The following FUT8 variants were observed in gnomAD, a reference collection of about 807,000 sequenced individuals.
FUT8 encodes alpha-(1,6)-fucosyltransferase.
Under a neutral mutation model 71.3 loss-of-function variants are expected in FUT8, and 29 were observed. The observed-to-expected ratio is 0.41, with a 90% confidence interval of 0.30 to 0.55. The LOEUF (loss-of-function observed/expected upper bound fraction) is 0.55. Among genes scored for constraint, FUT8 ranks in the 20% least tolerant of loss-of-function variants. FUT8 has a pLI of 0.34. For synonymous variants in FUT8, 254 were observed against 239.3 expected (o/e 1.06, Z -0.57); for missense variants, 544 against 702.1 (o/e 0.77, Z 2.55).
chr14:65,671,257 GC>G (rs1238743575), intron 7 of FUT8, among the ~76,000 whole-genome samples: 1 of 152,116 alleles, frequency 6.6e-6, no homozygotes, highest in African/African-American at 2.4e-5. Flanking sequence ...ATATAGTTTA[GC>G]CCTGCCCGTG....
At chr14:65,412,129 T>TGG (rs34007703), upstream of FUT8, 340 of 455,928 alleles carry the variant, frequency 7.5e-4, no homozygotes, top group African/African-American at 4.5e-3. Context: ...CAGGCCCTCG[T>TGG]GGGGGGGGTC....
chr14:65,581,876 A>G (rs1165369702), intron 3 of FUT8, among the ~76,000 whole-genome samples: 3 of 152,176 alleles, frequency 2.0e-5, no homozygotes, highest in African/African-American at 7.2e-5. Flanking sequence ...GTTTTCTAAG[A>G]GGACTTTTGC....
At chr14:65,465,283 A>G (rs2066026122) in intron 2 of FUT8, among the ~76,000 whole-genome samples, 1 of 152,162 alleles carries the variant, frequency 6.6e-6, no homozygotes, top group Non-Finnish European at 1.5e-5. Flanking sequence ...TATACATTCA[A>G]TGCTAAAAAT....
intron 7 of FUT8, among the ~76,000 whole-genome samples, chr14:65,677,353 G>T (rs542348204): frequency 6.6e-6 from 1 of 151,912 alleles, no homozygotes; most frequent in Non-Finnish European, 1.5e-5. Context: ...AATATTCTTA[G>T]CAGTTATTGA....
At chr14:65,670,480 G>A (rs1458223236) in intron 7 of FUT8, among the ~76,000 whole-genome samples, 1 of 152,002 alleles carries the variant, frequency 6.6e-6, no homozygotes, top group Non-Finnish European at 1.5e-5. Context: ...TGTATAATGA[G>A]TGCCTACAGT....
At chr14:65,707,382 T>C (rs1894603861) in intron 7 of FUT8, among the ~76,000 whole-genome samples, 1 of 152,222 alleles carries the variant, frequency 6.6e-6, no homozygotes, top group African/African-American at 2.4e-5. Context: ...TTTGAGTTGC[T>C]TATTATTATA....
intron 3 of FUT8, among the ~76,000 whole-genome samples, chr14:65,580,948 C>T (rs1185014786): frequency 3.3e-5 from 5 of 152,050 alleles, no homozygotes; most frequent in African/African-American, 1.2e-4. Flanking sequence ...ACATATTGTT[C>T]TCAAAGTTGG....
At chr14:65,664,809 T>C (rs1324748979) in intron 6 of FUT8, among the ~76,000 whole-genome samples, 1 of 152,132 alleles carries the variant, frequency 6.6e-6, no homozygotes, top group Non-Finnish European at 1.5e-5. Flanking sequence ...TCTTGCTATG[T>C]AGGATAAAAG....
At chr14:65,576,511 CTT>C (rs1278589489) in intron 3 of FUT8, among the ~76,000 whole-genome samples, 2 of 151,820 alleles carry the variant, frequency 1.3e-5, no homozygotes, top group African/African-American at 4.8e-5. Context: ...TACTGTACAT[CTT>C]TTGTACTTGT....
intron 3 of FUT8, among the ~76,000 whole-genome samples, chr14:65,580,067 A>G (rs936617259): frequency 3.8e-5 from 2 of 52,220 alleles, no homozygotes; most frequent in Non-Finnish European, 8.1e-5. Context: ...ATAGTGCTAT[A>G]TTTTATATAT....
At chr14:65,426,251 A>G (rs2065386040) in intron 1 of FUT8, among the ~76,000 whole-genome samples, 1 of 151,668 alleles carries the variant, frequency 6.6e-6, no homozygotes, top group South Asian at 2.1e-4. Context: ...ACTTAGCCTA[A>G]TGTCCTTCGG....
intron 2 of FUT8, among the ~76,000 whole-genome samples, chr14:65,507,688 T>C (rs1386487057): frequency 6.6e-6 from 1 of 152,250 alleles, no homozygotes; most frequent in African/African-American, 2.4e-5. Context: ...ACATTTTCTT[T>C]GTTCATTCGT....
chr14:65,540,527 GA>G (rs1380322732), intron 2 of FUT8, among the ~76,000 whole-genome samples: 1 of 152,182 alleles, frequency 6.6e-6, no homozygotes, highest in Non-Finnish European at 1.5e-5. Context: ...TGGTGGAAGA[GA>G]AAGCTAGAAG....
intron 2 of FUT8, among the ~76,000 whole-genome samples, chr14:65,511,284 TG>T (rs1882322487): frequency 6.6e-6 from 1 of 152,096 alleles, no homozygotes; most frequent in South Asian, 2.1e-4. Context: ...TGACACTATG[TG>T]GGTTTTTTTT....
chr14:65,718,423 C>A (rs1895236186), intron 7 of FUT8, among the ~76,000 whole-genome samples: 1 of 152,062 alleles, frequency 6.6e-6, no homozygotes. Context: ...CTTATGGTAC[C>A]AAGTATGTCT....
At chr14:65,362,953 C>G in the FUT8 span, among the ~76,000 whole-genome samples, 192 of 76,972 alleles carry the variant, frequency 2.5e-3, 1 homozygote, top group African/African-American at 9.8e-3. Context: ...CAGAGCAAGA[C>G]TCTGTTTCAA....
At chr14:65,608,134 T>A (rs1888683823) in intron 3 of FUT8, among the ~76,000 whole-genome samples, 1 of 151,250 alleles carries the variant, frequency 6.6e-6, no homozygotes, top group African/African-American at 2.4e-5. Context: ...CCACTGAAAA[T>A]TTTTATATAT....
chr14:65,409,935 G>C (rs1202414415), upstream of FUT8, among the ~76,000 whole-genome samples: 1 of 152,218 alleles, frequency 6.6e-6, no homozygotes, highest in African/African-American at 2.4e-5. The surrounding 1 kb of genome is among the most constrained non-coding windows in gnomAD (Gnocchi z 5.4). Flanking sequence ...AAGAGGTGGA[G>C]TACCTGTACT....
At chr14:65,521,256 A>C (rs759121531) in intron 2 of FUT8, among the ~76,000 whole-genome samples, 2 of 152,192 alleles carry the variant, frequency 1.3e-5, no homozygotes, top group Non-Finnish European at 2.9e-5. Context: ...AAAATGCTTG[A>C]ATTAATACTA....
Sources: allele counts gnomAD v4.1 joint callset (sites outside exome capture counted in the v4.1 genomes callset), GRCh38; gene constraint gnomAD v4.1.1; non-coding constraint Gnocchi (gnomAD v3.1); transcripts MANE v1.5; gene names NCBI Gene and HGNC (gene_info 2026-07-23, HGNC 2026-07-21).